The following SCYL2 variants were observed in gnomAD, a reference collection of about 807,000 sequenced individuals.
SCYL2 encodes SCY1-like protein 2.
Under a neutral mutation model 100.4 loss-of-function variants are expected in SCYL2, and 36 were observed. The ratio of observed to expected loss-of-function variants is 0.36; its 90% confidence interval spans 0.27 to 0.47. The LOEUF (loss-of-function observed/expected upper bound fraction) is 0.47. Among genes scored for constraint, SCYL2 ranks in the 20% least tolerant of loss-of-function variants. The pLI is 1.00. For missense variants in SCYL2, 902 were observed against 1,083.9 expected (o/e 0.83, Z 2.36); for synonymous variants, 330 against 359.2 (o/e 0.92, Z 0.92).
intron 4 of SCYL2, among the ~76,000 whole-genome samples, chr12:100,303,312 TGGA>T (rs1431028704): frequency 6.6e-6 from 1 of 152,158 alleles, no homozygotes; most frequent in African/African-American, 2.4e-5. Flanking sequence ...TGTGATCCTT[TGGA>T]GGAGAAGAGG....
chr12:100,329,821 C>G (rs981667980), intron 13 of SCYL2, among the ~76,000 whole-genome samples: 1 of 151,674 alleles, frequency 6.6e-6, no homozygotes, highest in African/African-American at 2.4e-5. Flanking sequence ...AGCGCACTTA[C>G]GTGGTTGTTG....
intron 1 of SCYL2, among the ~76,000 whole-genome samples, chr12:100,272,030 A>G (rs1039687070): frequency 1.3e-5 from 2 of 152,190 alleles, no homozygotes; most frequent in Admixed American, 1.3e-4. Context: ...AAAATCTAGT[A>G]TTACAACAGA....
chr12:100,326,096 G>C (rs1447538089), intron 11 of SCYL2, among the ~76,000 whole-genome samples: 1 of 151,994 alleles, frequency 6.6e-6, no homozygotes, highest in African/African-American at 2.4e-5. Flanking sequence ...AGTGCATATG[G>C]AATTTTGATA....
At position 100,341,686 on chromosome 12, in the gene SCYL2, T is replaced by C. The variant is rs1021512306; in HGVS notation, c.*2514T>C. The C allele has an allele frequency of 6.6e-6, 1 of 152,218 alleles. No individual in the cohort carries two copies. Among genetic ancestry groups the C allele is most frequent in the African/African-American group, 2.4e-5 (1 of 41,460 alleles). 9.4% of individuals were successfully genotyped at this position (152,218 alleles called of 1,614,324 possible). On this transcript the variant is annotated 3_prime_UTR_variant, in exon 18 of 18. Coordinates refer to ENST00000360820, the MANE Select transcript of SCYL2 (RefSeq NM_017988.6). ...AACATACCTGATATCAAGAGGAGTA[T>C]GCACCAAATAAATTTTAGCTTTGAT...
At chr12:100,279,605 A>G (rs957110194) in intron 1 of SCYL2, among the ~76,000 whole-genome samples, 2 of 152,122 alleles carry the variant, frequency 1.3e-5, no homozygotes, top group African/African-American at 2.4e-5. Flanking sequence ...TTAGTAATTT[A>G]TGATTACTTT....
chr12:100,336,238 C>T (rs549475785), intron 16 of SCYL2, among the ~76,000 whole-genome samples: 43 of 152,196 alleles, frequency 2.8e-4, no homozygotes, highest in Non-Finnish European at 4.3e-4. Context: ...TTGATGGATT[C>T]TACTATAGAT....
intron 10 of SCYL2, among the ~76,000 whole-genome samples, chr12:100,320,575 A>C (rs562877605): frequency 3.4e-4 from 51 of 149,566 alleles, no homozygotes; most frequent in African/African-American, 1.2e-3. Context: ...TAAATAAATA[A>C]ATAAATAAAT....
At chr12:100,323,423 C>T in intron 10 of SCYL2, 102 bp from the exon 11 acceptor site, 1 of 682,682 alleles carries the variant, frequency 1.5e-6, no homozygotes, top group Non-Finnish European at 2.5e-6. Context: ...AAATTTGTTT[C>T]AAACTATATG....
At chr12:100,282,178 C>T (rs966968509) in intron 1 of SCYL2, among the ~76,000 whole-genome samples, 4 of 151,860 alleles carry the variant, frequency 2.6e-5, no homozygotes, top group Admixed American at 2.0e-4. Flanking sequence ...GCACGCGCCA[C>T]CATGCCTGGC....
Position 100,339,446 on chromosome 12 carries a change from G to T in SCYL2, c.*274G>T. On this transcript the variant is annotated 3_prime_UTR_variant, in exon 18 of 18. Coordinates refer to ENST00000360820, the MANE Select transcript of SCYL2 (RefSeq NM_017988.6). ...ATCTCAAAGAGAAAAAGGAAACTGAGTTATCTTGAATAACATAACTTTTTA... is the reference window on the plus strand; with the variant it reads ...ATCTCAAAGAGAAAAAGGAAACTGATTTATCTTGAATAACATAACTTTTTA... 1 of 390,940 alleles carries T rather than the reference G, an allele frequency of 2.6e-6. No homozygotes were observed. Among genetic ancestry groups the T allele is most frequent in the Non-Finnish European group, 4.6e-6 (1 of 217,662 alleles). The allele number at this position is 390,940 out of a possible 1,614,324, so 24.2% of individuals were successfully genotyped here.
intron 14 of SCYL2, among the ~76,000 whole-genome samples, chr12:100,334,581 AAAACTAAAAGCACC>A (rs1952251993): frequency 6.6e-6 from 1 of 152,066 alleles, no homozygotes; most frequent in South Asian, 2.1e-4. Context: ...CAGGTTGCTG[AAAACTAAAAGCACC>A]AATTAGGAAA....
chr12:100,281,966 A>AT (rs2096299061), intron 1 of SCYL2, among the ~76,000 whole-genome samples: 1 of 152,154 alleles, frequency 6.6e-6, no homozygotes, highest in Non-Finnish European at 1.5e-5. Flanking sequence ...AAAAAGAAAA[A>AT]ATAAGAATAA....
At chr12:100,319,338 C>A in intron 10 of SCYL2, 1 of 447,874 alleles carries the variant, frequency 2.2e-6, no homozygotes, top group South Asian at 1.6e-5. Flanking sequence ...TGAATTATAG[C>A]CTCACAAAAC....
intron 13 of SCYL2, among the ~76,000 whole-genome samples, chr12:100,331,709 C>T (rs1952211929): frequency 6.6e-6 from 1 of 151,938 alleles, no homozygotes. Context: ...TGATTCATAT[C>T]TTCTTGTATT....
intron 7 of SCYL2, 50 bp from the exon 8 acceptor site, chr12:100,314,439 G>A (rs1178327661): frequency 1.5e-6 from 2 of 1,363,928 alleles, no homozygotes; most frequent in Non-Finnish European, 2.0e-6. Flanking sequence ...GATATGAGAA[G>A]TACTTTCAAT....
intron 2 of SCYL2, among the ~76,000 whole-genome samples, chr12:100,289,062 A>C (rs1196246466): frequency 2.0e-5 from 3 of 152,054 alleles, no homozygotes; most frequent in South Asian, 2.1e-4. Context: ...AGACTTACTA[A>C]AATAAGATTG....
At chr12:100,313,591 G>C in intron 7 of SCYL2, 53 bp downstream of exon 7, 1 of 945,646 alleles carries the variant, frequency 1.1e-6, no homozygotes, top group Non-Finnish European at 1.7e-6. Flanking sequence ...ATGAGTTGAA[G>C]TAGATTAAGT....
At chr12:100,298,992 A>G (rs200786929) in intron 4 of SCYL2, among the ~76,000 whole-genome samples, 4 of 152,260 alleles carry the variant, frequency 2.6e-5, no homozygotes, top group South Asian at 4.1e-4. Flanking sequence ...CACTTTGGGA[A>G]GCTGAGAAGG....
intron 3 of SCYL2, among the ~76,000 whole-genome samples, chr12:100,294,760 C>T (rs2096316502): frequency 1.4e-5 from 2 of 145,256 alleles, no homozygotes; most frequent in Admixed American, 6.7e-5. Flanking sequence ...ACCCCCCCAC[C>T]TCCCTCCCGG....
Sources: allele counts gnomAD v4.1 joint callset (sites outside exome capture counted in the v4.1 genomes callset), GRCh38; gene constraint gnomAD v4.1.1; transcripts MANE v1.5; gene names NCBI Gene and HGNC (gene_info 2026-07-23, HGNC 2026-07-21).